TMEM132E: variants seen among roughly 807,000 people sequenced by gnomAD.
TMEM132E encodes the protein transmembrane protein 132E.
A neutral mutation model predicts 78.5 loss-of-function variants in TMEM132E; 49 were observed. The observed-to-expected ratio is 0.62, with a 90% CI of 0.50 to 0.79. TMEM132E has a LOEUF of 0.79. TMEM132E is among the 30% of genes least tolerant of loss of function. The pLI is 0.00. For synonymous variants in TMEM132E, 715 were observed against 670.6 expected (o/e 1.07, Z -1.02); for missense variants, 1,403 against 1,470.9 (o/e 0.95, Z 0.75).
chr17:34,607,018 G>A (rs1906436211), intron 1 of TMEM132E, among the ~76,000 whole-genome samples: 1 of 152,182 alleles, frequency 6.6e-6, no homozygotes, highest in African/African-American at 2.4e-5. Context: ...TGTGCAGAAG[G>A]CTCTGCATGG....
At chr17:34,619,952 C>A (rs1193447227) in intron 1 of TMEM132E, among the ~76,000 whole-genome samples, 1 of 152,254 alleles carries the variant, frequency 6.6e-6, no homozygotes, top group Non-Finnish European at 1.5e-5. Flanking sequence ...TGCTGGCACA[C>A]CTGCTGTGCC....
chr17:34,618,535 A>T (rs539293825), intron 1 of TMEM132E, among the ~76,000 whole-genome samples: 1 of 152,130 alleles, frequency 6.6e-6, no homozygotes, highest in South Asian at 2.1e-4. Flanking sequence ...CCCGGCCAAC[A>T]TTTGTAAATC....
chr17:34,613,282 C>T (rs986926206), intron 1 of TMEM132E, among the ~76,000 whole-genome samples: 3 of 149,082 alleles, frequency 2.0e-5, no homozygotes, highest in South Asian at 2.2e-4. Flanking sequence ...GAGATGCAGG[C>T]GGCTGTGCCA....
At chr17:34,631,791 C>A (rs1027531462) in intron 5 of TMEM132E, among the ~76,000 whole-genome samples, 5 of 152,192 alleles carry the variant, frequency 3.3e-5, no homozygotes, top group Non-Finnish European at 5.9e-5. Flanking sequence ...GACCTTCCCC[C>A]AAACTCAAGA....
At chr17:34,636,253 TG>T in intron 8 of TMEM132E, 55 bp downstream of exon 8, 1 of 1,387,404 alleles carries the variant, frequency 7.2e-7, no homozygotes, top group Non-Finnish European at 9.4e-7. Flanking sequence ...AAGGAGAACT[TG>T]GGGGCTCTGC....
At position 34,636,037 on chromosome 17, in the gene TMEM132E, G is replaced by T; in HGVS notation, c.2008G>T (p.Gly670Trp). The T allele has an allele frequency of 6.5e-7, 1 of 1,543,686 alleles. No individual in the cohort carries two copies. Among genetic ancestry groups the T allele is most frequent in the African/African-American group, 1.4e-5 (1 of 71,154 alleles). Reference protein sequence around the residue: ...VVSPLTEAVLGETLLTVTEEK... With the variant: ...VVSPLTEAVLWETLLTVTEEK... ...GTCTCCGCTGACGGAGGCTGTGCTC[G>T]GGGAGACGCTGCTGACGGTGACTGA... The change falls in exon 8 of 9, where the codon GGG becomes TGG. Residue 670 changes from glycine (G) to tryptophan (W), a missense_variant. Around this residue, in one of 3 missense-constraint regions of TMEM132E, gnomAD observed 888 missense variants for 952.8 expected, o/e 0.93. Transcript: ENST00000631683.
chr17:34,586,303 T>G (rs79453299), intron 1 of TMEM132E, among the ~76,000 whole-genome samples: 6 of 143,710 alleles, frequency 4.2e-5, no homozygotes, highest in South Asian at 4.4e-4. Context: ...GTGTGTGTGT[T>G]TTTAGGAACA....
chr17:34,638,452 T>C lies in TMEM132E; in HGVS notation c.*220T>C. ...TCTGCCCCCTGCAGGTGGAGGGCTC[T>C]TCCTCCAGTGGCTCGTAAGGAGGAA... On this transcript the variant is annotated 3_prime_UTR_variant, in exon 9 of 9. Coordinates refer to ENST00000631683, the MANE Select transcript of TMEM132E (RefSeq NM_001304438.2). 2.0e-6 allele frequency: 1 copy of C among 493,490 alleles called. No homozygotes were observed. Among genetic ancestry groups the C allele is most frequent in the Non-Finnish European group, 3.5e-6 (1 of 286,696 alleles). 30.6% of individuals were successfully genotyped at this position (493,490 alleles called of 1,614,324 possible).
chr17:34,581,536 G>T (rs1325480566), intron 1 of TMEM132E, among the ~76,000 whole-genome samples: 3 of 152,066 alleles, frequency 2.0e-5, no homozygotes, highest in Non-Finnish European at 2.9e-5. Flanking sequence ...GTTGGGATCC[G>T]CCGGGATCGC....
chr17:34,606,242 G>C (rs777472310), intron 1 of TMEM132E, among the ~76,000 whole-genome samples: 2 of 152,198 alleles, frequency 1.3e-5, no homozygotes, highest in African/African-American at 2.4e-5. Flanking sequence ...AGCTACTTGA[G>C]AGGCTGAGGC....
chr17:34,593,260 A>T (rs1200345843), intron 1 of TMEM132E, among the ~76,000 whole-genome samples: 1 of 152,224 alleles, frequency 6.6e-6, no homozygotes, highest in Non-Finnish European at 1.5e-5. Flanking sequence ...AAAAAATTAT[A>T]TTGAAACAAT....
intron 3 of TMEM132E, 150 bp from the exon 4 acceptor site, chr17:34,628,862 C>T: frequency 1.5e-6 from 2 of 1,362,232 alleles, no homozygotes; most frequent in East Asian, 2.5e-5. Context: ...GATCCTGGGG[C>T]TGGAGCACCT....
intron 1 of TMEM132E, among the ~76,000 whole-genome samples, chr17:34,601,387 T>G (rs1434474539): frequency 6.6e-6 from 1 of 152,232 alleles, no homozygotes; most frequent in Non-Finnish European, 1.5e-5. Context: ...CCCCAGTCCC[T>G]GACTGCCCTG....
intron 1 of TMEM132E, among the ~76,000 whole-genome samples, chr17:34,596,072 A>ACG (rs369148259): frequency 0.033 from 4,880 of 149,214 alleles, 457 homozygotes; most frequent in African/African-American, 0.11. Context: ...ACACACGCAC[A>ACG]ACTTGCATTC....
chr17:34,613,240 T>C (rs1224282994), intron 1 of TMEM132E, among the ~76,000 whole-genome samples: 1 of 140,916 alleles, frequency 7.1e-6, no homozygotes, highest in Non-Finnish European at 1.6e-5. Context: ...CTTACATTCT[T>C]TTTCCGTTGT....
chr17:34,581,463 C>A (rs1194340079), intron 1 of TMEM132E, among the ~76,000 whole-genome samples: 2 of 151,608 alleles, frequency 1.3e-5, no homozygotes, highest in South Asian at 2.1e-4. Context: ...GAGGGATCCT[C>A]CGGATCGCGT....
Position 34,634,964 on chromosome 17 carries a change from G to C in TMEM132E, c.1854G>C (p.Pro618=). ...ACCAGGTGGTCACCATGTTAGGCCC[G>C]GACTGGCTGGTGGAGGTCACCGACC... ...GTDQVVTMLG[P]DWLVEVTDLV... The change falls in exon 7 of 9, where the codon CCG becomes CCC. Residue 618 remains proline, a synonymous_variant. Coordinates refer to ENST00000631683, the MANE Select transcript of TMEM132E (RefSeq NM_001304438.2). The C allele has an allele frequency of 6.2e-7, 1 of 1,614,158 alleles. No homozygotes were observed. Among genetic ancestry groups the C allele is most frequent in the Non-Finnish European group, 8.5e-7 (1 of 1,180,036 alleles).
At chr17:34,609,226 G>A (rs1272165711) in intron 1 of TMEM132E, among the ~76,000 whole-genome samples, 1 of 152,322 alleles carries the variant, frequency 6.6e-6, no homozygotes, top group East Asian at 1.9e-4. Context: ...GAAGCCTCCG[G>A]CTGCCCTGCC....
intron 1 of TMEM132E, among the ~76,000 whole-genome samples, chr17:34,602,204 T>C (rs921288151): frequency 2.0e-5 from 3 of 152,228 alleles, no homozygotes; most frequent in African/African-American, 7.2e-5. Context: ...CCTCCCAGTC[T>C]AGGAGAGGAC....
Sources: gnomAD v4.1 joint callset for allele counts (sites outside exome capture counted in the v4.1 genomes callset) on GRCh38, gnomAD v4.1.1 for gene constraint, gnomAD v4.1.1 regional missense constraint, MANE v1.5 for transcripts, NCBI Gene and HGNC (gene_info 2026-07-23, HGNC 2026-07-21) for gene names.